The following SOX5 variants were observed in gnomAD, a reference collection of about 807,000 sequenced individuals.
SOX5 encodes SRY-box transcription factor 5, also known as transcription factor SOX-5.
In SOX5, 9 loss-of-function variants were observed where a neutral mutation model predicts 92.0. That is an observed-to-expected ratio of 0.10 (90% CI 0.06 to 0.17). The LOEUF (loss-of-function observed/expected upper bound fraction) is 0.17. Ranked by LOEUF, SOX5 falls within the 10% of genes least tolerant of loss-of-function variation. SOX5 has a pLI of 1.00. For synonymous variants in SOX5, 344 were observed against 336.3 expected (o/e 1.02, Z -0.25); for missense variants, 642 against 944.5 (o/e 0.68, Z 4.20).
intron 2 of SOX5, among the ~76,000 whole-genome samples, chr12:24,296,057 A>G (rs1443436683): frequency 1.3e-5 from 2 of 152,254 alleles, no homozygotes; most frequent in Admixed American, 1.3e-4. Context: ...CTCACAGAAC[A>G]AAAAATTAAA....
At chr12:24,502,938 AG>A (rs1314482405) in intron 1 of SOX5, among the ~76,000 whole-genome samples, 1 of 152,238 alleles carries the variant, frequency 6.6e-6, no homozygotes, top group Non-Finnish European at 1.5e-5. Context: ...ATAATTGACT[AG>A]CACTCATCAA....
intron 1 of SOX5, among the ~76,000 whole-genome samples, chr12:24,391,495 A>T (rs1479244705): frequency 6.6e-6 from 1 of 152,190 alleles, no homozygotes; most frequent in Non-Finnish European, 1.5e-5. Context: ...CCAATGAATA[A>T]AAACGGTGGC....
chr12:24,397,964 C>T (rs2136586012), intron 1 of SOX5, among the ~76,000 whole-genome samples: 1 of 152,226 alleles, frequency 6.6e-6, no homozygotes, highest in South Asian at 2.1e-4. Context: ...ATTCTCCTGC[C>T]TCAACCTCCC....
chr12:23,961,560 C>G (rs1282883669), intron 4 of SOX5, among the ~76,000 whole-genome samples: 1 of 152,102 alleles, frequency 6.6e-6, no homozygotes, highest in East Asian at 1.9e-4. Flanking sequence ...AGGCTAACGT[C>G]TACTCATCCT....
intron 2 of SOX5, among the ~76,000 whole-genome samples, chr12:23,850,469 A>C (rs2096621225): frequency 1.2e-5 from 1 of 81,106 alleles, no homozygotes; most frequent in African/African-American, 6.1e-5. Context: ...AAATAAATAA[A>C]AAATAAAAAA....
chr12:24,402,858 T>C (rs1217763581), intron 1 of SOX5, among the ~76,000 whole-genome samples: 2 of 152,230 alleles, frequency 1.3e-5, no homozygotes, highest in Non-Finnish European at 2.9e-5. Context: ...TATTTCAGCT[T>C]CTTGGTTTAT....
At chr12:24,239,374 A>G (rs1965136855) in intron 3 of SOX5, among the ~76,000 whole-genome samples, 1 of 152,368 alleles carries the variant, frequency 6.6e-6, no homozygotes, top group East Asian at 1.9e-4. Flanking sequence ...AAACATATCA[A>G]ATTTTATCTT....
chr12:24,512,552 T>C (rs954885365), intron 1 of SOX5, among the ~76,000 whole-genome samples: 1 of 152,228 alleles, frequency 6.6e-6, no homozygotes, highest in Non-Finnish European at 1.5e-5. Flanking sequence ...TGGCAGACTA[T>C]GTACCTCCAG....
chr12:23,923,242 T>C (rs1235867844), intron 1 of SOX5, among the ~76,000 whole-genome samples: 1 of 151,970 alleles, frequency 6.6e-6, no homozygotes, highest in African/African-American at 2.4e-5. Context: ...TGAGCCTCCA[T>C]GCCCGGCCAA....
chr12:23,560,385 T>C lies in SOX5; in HGVS notation c.1488+2873A>G, dbSNP rs747950744. Among the ~76,000 whole-genome samples, 172 of 152,334 alleles carry C rather than the reference T, an allele frequency of 1.1e-3. 4 individuals are homozygous for C. The highest frequency in any genetic ancestry group is 3.5e-4 in the Non-Finnish European group (24 of 68,028). On this transcript the variant is annotated intron_variant, in intron 11 of 14. Transcript: ENST00000451604. The stretch of plus-strand genomic sequence containing the variant: ...ACATATTTATTGGCCATAGATAATA[T>C]TGAGTGATTATAAAACTCTAATAAA...
chr12:23,965,683 A>G (rs1413665507), intron 4 of SOX5, among the ~76,000 whole-genome samples: 2 of 152,142 alleles, frequency 1.3e-5, no homozygotes, highest in Admixed American at 6.5e-5. Context: ...CAGTGGCACA[A>G]TCTTGGCTCA....
chr12:24,437,587 C>T (rs968758346), intron 1 of SOX5, among the ~76,000 whole-genome samples: 1 of 152,020 alleles, frequency 6.6e-6, no homozygotes, highest in Non-Finnish European at 1.5e-5. Flanking sequence ...AACAAATTTA[C>T]AAGAAAAAAC....
intron 3 of SOX5, among the ~76,000 whole-genome samples, chr12:24,247,648 T>G (rs1045713457): frequency 8.0e-6 from 1 of 125,124 alleles, no homozygotes; most frequent in Non-Finnish European, 1.6e-5. Flanking sequence ...TTATTTACTT[T>G]TTTTTTTTTT....
intron 8 of SOX5, among the ~76,000 whole-genome samples, chr12:23,625,807 C>T (rs2077706832): frequency 1.3e-5 from 2 of 152,116 alleles, no homozygotes; most frequent in Non-Finnish European, 2.9e-5. Context: ...TGGGGTTTCA[C>T]CATGTTGGTC....
intron 4 of SOX5, among the ~76,000 whole-genome samples, chr12:24,024,203 A>G (rs1261511206): frequency 6.6e-6 from 1 of 152,056 alleles, no homozygotes; most frequent in African/African-American, 2.4e-5. Context: ...GAAAAATGGA[A>G]TACAATGGTC....
chr12:23,749,197 G>T (rs1185202658), intron 4 of SOX5, among the ~76,000 whole-genome samples: 1 of 151,732 alleles, frequency 6.6e-6, no homozygotes, highest in African/African-American at 2.4e-5. Context: ...CATTAAGAAA[G>T]AATTTAATCA....
At chr12:24,550,115 CT>C (rs1329074852) in intron 1 of SOX5, among the ~76,000 whole-genome samples, 2 of 152,212 alleles carry the variant, frequency 1.3e-5, no homozygotes, top group Non-Finnish European at 2.9e-5. Context: ...GCTCAGTTTC[CT>C]TGGCTGTATA....
chr12:24,429,617 CACACACAT>C (rs1937864151), intron 1 of SOX5, among the ~76,000 whole-genome samples: 1 of 149,934 alleles, frequency 6.7e-6, no homozygotes, highest in Admixed American at 6.7e-5. Flanking sequence ...CACATACACA[CACACACAT>C]ACACACACAC....
At chr12:24,376,876 G>T (rs1957339157) in intron 1 of SOX5, among the ~76,000 whole-genome samples, 1 of 96,264 alleles carries the variant, frequency 1.0e-5, no homozygotes, top group South Asian at 3.0e-4. Flanking sequence ...CTAATTTTTT[G>T]AATTTTTTTT....
Sources: allele counts gnomAD v4.1 joint callset (sites outside exome capture counted in the v4.1 genomes callset), GRCh38; gene constraint gnomAD v4.1.1; transcripts MANE v1.5; gene names NCBI Gene and HGNC (gene_info 2026-07-23, HGNC 2026-07-21).